B3GLCT: variants seen among roughly 807,000 people sequenced by gnomAD.
B3GLCT encodes beta-1,3-glucosyltransferase.
A neutral mutation model predicts 63.4 loss-of-function variants in B3GLCT; 65 were observed. The observed-to-expected ratio is 1.03, with a 90% CI of 0.84 to 1.26. The LOEUF (loss-of-function observed/expected upper bound fraction) is 1.26, where lower values mean the gene tolerates loss of function less well. Ranked by LOEUF, B3GLCT falls within the 50% of genes most tolerant of loss-of-function variation. The probability of loss-of-function intolerance (pLI) is 0.00; values close to 1 mark genes in which losing one functional copy is unlikely to be tolerated. For synonymous variants in B3GLCT, 233 were observed against 219.2 expected (o/e 1.06, Z -0.55); for missense variants, 577 against 604.8 (o/e 0.95, Z 0.48).
chr13:31,217,788 A>T (rs756764250), intron 2 of B3GLCT, among the ~76,000 whole-genome samples: 60 of 152,146 alleles, frequency 3.9e-4, no homozygotes, highest in Non-Finnish European at 8.2e-4. Flanking sequence ...CCATTGGTCT[A>T]TGTGTCTGTT....
intron 6 of B3GLCT, among the ~76,000 whole-genome samples, chr13:31,254,016 G>A (rs979083678): frequency 6.6e-6 from 1 of 152,186 alleles, no homozygotes; most frequent in African/African-American, 2.4e-5. Context: ...AGCAAGTTCT[G>A]TAATTGAGGC....
At chr13:31,216,925 T>C (rs1234431130) in intron 2 of B3GLCT, among the ~76,000 whole-genome samples, 2 of 152,240 alleles carry the variant, frequency 1.3e-5, no homozygotes, top group Non-Finnish European at 2.9e-5. Flanking sequence ...TGTGCATGTG[T>C]CTTTATGGCA....
At chr13:31,309,154 C>T (rs1874567683) in intron 12 of B3GLCT, among the ~76,000 whole-genome samples, 1 of 152,178 alleles carries the variant, frequency 6.6e-6, no homozygotes, top group Non-Finnish European at 1.5e-5. Flanking sequence ...TCTCATCCCC[C>T]AGGCTTTTAT....
At chr13:31,206,115 A>G (rs1868936846) in intron 1 of B3GLCT, among the ~76,000 whole-genome samples, 1 of 152,130 alleles carries the variant, frequency 6.6e-6, no homozygotes, top group Admixed American at 6.5e-5. Context: ...TTCGTTTACG[A>G]GCTAAATGAA....
At chr13:31,298,278 C>A (rs1349962176) in intron 12 of B3GLCT, among the ~76,000 whole-genome samples, 3 of 152,178 alleles carry the variant, frequency 2.0e-5, no homozygotes, top group Non-Finnish European at 4.4e-5. Context: ...ACAGCCTACC[C>A]TCGTTCTTCA....
At chr13:31,263,517 C>T (rs1011192974) in intron 7 of B3GLCT, among the ~76,000 whole-genome samples, 1 of 152,168 alleles carries the variant, frequency 6.6e-6, no homozygotes, top group Non-Finnish European at 1.5e-5. Flanking sequence ...TGTAGCAGCA[C>T]CCAGAGCACT....
chr13:31,257,788 T>C (rs1181658002), intron 6 of B3GLCT, among the ~76,000 whole-genome samples: 1 of 152,194 alleles, frequency 6.6e-6, no homozygotes, highest in African/African-American at 2.4e-5. Context: ...TATTGTATGC[T>C]CTAGTTTCTT....
chr13:31,271,812 A>C (rs1271269937), intron 8 of B3GLCT, among the ~76,000 whole-genome samples: 1 of 152,128 alleles, frequency 6.6e-6, no homozygotes, highest in Non-Finnish European at 1.5e-5. Flanking sequence ...ATAATGGTGG[A>C]TTTTTCCTAT....
chr13:31,201,318 C>T (rs1041995389), intron 1 of B3GLCT, among the ~76,000 whole-genome samples: 2 of 152,158 alleles, frequency 1.3e-5, no homozygotes, highest in African/African-American at 2.4e-5. Flanking sequence ...GTACTTCTGG[C>T]ATTTCTATAG....
At chr13:31,242,523 C>T (rs537987363) in intron 4 of B3GLCT, among the ~76,000 whole-genome samples, 2 of 152,332 alleles carry the variant, frequency 1.3e-5, no homozygotes, top group East Asian at 3.9e-4. Context: ...AACTCACTTG[C>T]TCCCCTTTGC....
chr13:31,200,225 T>A (rs1868566685), intron 1 of B3GLCT, 71 bp downstream of exon 1: 1 of 1,022,012 alleles, frequency 9.8e-7, no homozygotes. Context: ...CGTGCCCCGG[T>A]CGGCGCGGGG....
intron 12 of B3GLCT, among the ~76,000 whole-genome samples, chr13:31,291,940 T>G (rs186071910): frequency 9.0e-4 from 137 of 152,332 alleles, no homozygotes; most frequent in South Asian, 2.5e-3. Context: ...AGTATGATAT[T>G]GGCTGTGGGT....
chr13:31,202,901 C>T (rs1868756237), intron 1 of B3GLCT, among the ~76,000 whole-genome samples: 1 of 152,182 alleles, frequency 6.6e-6, no homozygotes, highest in South Asian at 2.1e-4. Flanking sequence ...GGATGTGGAG[C>T]ATCATGTCAG....
intron 6 of B3GLCT, among the ~76,000 whole-genome samples, chr13:31,255,416 A>G (rs1287692986): frequency 1.3e-5 from 2 of 152,208 alleles, no homozygotes. Context: ...TCATCAAGCT[A>G]CCATTGACTT....
intron 6 of B3GLCT, among the ~76,000 whole-genome samples, chr13:31,249,676 GT>G (rs575484964): frequency 1.4e-4 from 21 of 152,122 alleles, no homozygotes; most frequent in Non-Finnish European, 2.6e-4. Context: ...CAGAACAGAG[GT>G]AAAAGGAGAT....
intron 14 of B3GLCT, among the ~76,000 whole-genome samples, chr13:31,329,111 C>A (rs1436157590): frequency 2.6e-5 from 4 of 152,164 alleles, no homozygotes; most frequent in Non-Finnish European, 4.4e-5. Flanking sequence ...CAGCCCCCCA[C>A]AACAAACTTA....
At chr13:31,275,811 A>C (rs373584217) in intron 9 of B3GLCT, among the ~76,000 whole-genome samples, 2 of 151,904 alleles carry the variant, frequency 1.3e-5, no homozygotes, top group African/African-American at 2.4e-5. Flanking sequence ...ACACACACAC[A>C]CCCCAAAACA....
chr13:31,247,269 T>A (rs919951000), intron 5 of B3GLCT, among the ~76,000 whole-genome samples, 170 bp downstream of exon 5: 35 of 152,112 alleles, frequency 2.3e-4, no homozygotes, highest in African/African-American at 8.2e-4. Context: ...TGATTGGTTC[T>A]TAATCATGAA....
intron 4 of B3GLCT, among the ~76,000 whole-genome samples, chr13:31,234,056 C>T (rs974037241): frequency 2.7e-5 from 4 of 150,428 alleles, no homozygotes; most frequent in Non-Finnish European, 5.9e-5. Flanking sequence ...CTCACTCTGT[C>T]GCCCAGGCTG....
Sources: allele counts gnomAD v4.1 joint callset (sites outside exome capture counted in the v4.1 genomes callset), GRCh38; gene constraint gnomAD v4.1.1; transcripts MANE v1.5; gene names NCBI Gene and HGNC (gene_info 2026-07-23, HGNC 2026-07-21).